Variants in ZFAT observed in about 807,000 individuals in gnomAD.
The protein encoded by ZFAT is zinc finger protein ZFAT.
In ZFAT, 64 loss-of-function variants were observed where a neutral mutation model predicts 117.7. That is an observed-to-expected ratio of 0.54 (90% confidence interval 0.44 to 0.67). The LOEUF (loss-of-function observed/expected upper bound fraction) is 0.67, where lower values mean the gene tolerates loss of function less well. ZFAT is among the 30% of genes least tolerant of loss of function. The pLI is 0.00. For missense variants in ZFAT, 1,433 were observed against 1,584.5 expected (o/e 0.90, Z 1.62); for synonymous variants, 679 against 615.0 (o/e 1.10, Z -1.54).
At chr8:134,605,256 A>G (rs1386757297) in intron 5 of ZFAT, among the ~76,000 whole-genome samples, 1 of 152,188 alleles carries the variant, frequency 6.6e-6, no homozygotes, top group Non-Finnish European at 1.5e-5. Context: ...TGCTTTTACA[A>G]AGGAATCCGG....
chr8:134,548,776 G>C (rs1822899738), intron 11 of ZFAT, among the ~76,000 whole-genome samples: 2 of 152,164 alleles, frequency 1.3e-5, no homozygotes, highest in South Asian at 4.1e-4. Flanking sequence ...GCACACCATG[G>C]AAAACATTGA....
intron 3 of ZFAT, among the ~76,000 whole-genome samples, chr8:134,632,039 T>G (rs1400109483): frequency 6.6e-6 from 1 of 152,232 alleles, no homozygotes; most frequent in Admixed American, 6.5e-5. Flanking sequence ...TCCCTAGATT[T>G]ATTGGTCAAA....
At chr8:134,567,072 A>C (rs1328934000) in intron 10 of ZFAT, among the ~76,000 whole-genome samples, 1 of 152,208 alleles carries the variant, frequency 6.6e-6, no homozygotes, top group African/African-American at 2.4e-5. Flanking sequence ...TGCCAAAATC[A>C]GCATCTTCTA....
the ZFAT span, chr8:134,800,387 C>T: frequency 2.6e-6 from 1 of 391,790 alleles, no homozygotes; most frequent in Non-Finnish European, 5.0e-6. Flanking sequence ...AGACAATTAA[C>T]ACACTTTTTC....
At chr8:134,486,991 T>C (rs948629514) in intron 15 of ZFAT, among the ~76,000 whole-genome samples, 2 of 152,208 alleles carry the variant, frequency 1.3e-5, no homozygotes, top group Admixed American at 6.5e-5. Flanking sequence ...TGTGTGTATA[T>C]GTACATATGC....
chr8:134,722,164 C>T, the ZFAT span, among the ~76,000 whole-genome samples: 1 of 152,154 alleles, frequency 6.6e-6, no homozygotes, highest in Admixed American at 6.5e-5. Context: ...AAAAAAAGCT[C>T]TGGAGCAATG....
chr8:134,478,689 C>A lies in ZFAT; in HGVS notation c.3525G>T (p.Thr1175=). Residue 1175 remains threonine (T), a synonymous_variant, in exon 16 of 16, where the codon ACG becomes ACT. Coordinates refer to ENST00000377838, the MANE Select transcript of ZFAT (RefSeq NM_020863.4). The surrounding 1 kb of genome is among the most constrained non-coding windows in gnomAD (Gnocchi z 5.2). ...VTEEEPSSNH[T]VMIQETVQQA... is the part of the protein sequence containing the mutation. ...GCTGGACCGTCTCCTGGATCATGAC[C>A]GTGTGGTTGGAGCTGGGCTCCTCCT... 1 of 1,577,766 alleles carries A rather than the reference C, an allele frequency of 6.3e-7. No individual in the cohort carries two copies. The highest frequency in any genetic ancestry group is 1.2e-5 in the South Asian group (1 of 85,726).
At chr8:134,490,772 T>C (rs1190337382) in intron 15 of ZFAT, among the ~76,000 whole-genome samples, 3 of 152,168 alleles carry the variant, frequency 2.0e-5, no homozygotes, top group Admixed American at 6.5e-5. Context: ...CCTAAGTCCA[T>C]AAAGCAGGAA....
the ZFAT span, among the ~76,000 whole-genome samples, chr8:134,746,104 T>C: frequency 6.6e-6 from 1 of 152,198 alleles, no homozygotes; most frequent in African/African-American, 2.4e-5. Flanking sequence ...ATTATATTGA[T>C]TTCCTCTCAA....
At chr8:134,616,047 GAGA>G (rs1240633271) in intron 3 of ZFAT, among the ~76,000 whole-genome samples, 9 of 152,178 alleles carry the variant, frequency 5.9e-5, no homozygotes, top group Non-Finnish European at 1.2e-4. Flanking sequence ...GGTGAGGCAG[GAGA>G]AGAACTGGCA....
intron 1 of ZFAT, among the ~76,000 whole-genome samples, chr8:134,702,709 T>A (rs1834047332): frequency 1.3e-5 from 2 of 151,662 alleles, no homozygotes; most frequent in African/African-American, 4.8e-5. Flanking sequence ...TCTCACGCTG[T>A]CGCCCAGGCT....
At chr8:134,708,106 T>C (rs1393090754) in intron 1 of ZFAT, among the ~76,000 whole-genome samples, 1 of 152,248 alleles carries the variant, frequency 6.6e-6, no homozygotes, top group Non-Finnish European at 1.5e-5. Context: ...AAACACTGCA[T>C]GTTTTCTCTT....
chr8:134,821,627 AAG>A, the ZFAT span, among the ~76,000 whole-genome samples: 2 of 152,010 alleles, frequency 1.3e-5, no homozygotes, highest in Admixed American at 6.6e-5. Context: ...TCAAATACTT[AAG>A]AGTTATTGTG....
At chr8:134,578,213 G>A (rs910587482) in intron 10 of ZFAT, among the ~76,000 whole-genome samples, 9 of 152,052 alleles carry the variant, frequency 5.9e-5, no homozygotes, top group Admixed American at 5.2e-4. Context: ...AGCAGTTCGA[G>A]ACCAGACTGC....
chr8:134,597,622 C>T (rs182191339), intron 7 of ZFAT: 2 of 152,240 alleles, frequency 1.3e-5, no homozygotes, highest in African/African-American at 4.8e-5. Flanking sequence ...TATTGTTTAG[C>T]TCCCCCTTCA....
the ZFAT span, among the ~76,000 whole-genome samples, chr8:134,735,303 T>C: frequency 9.2e-5 from 14 of 152,186 alleles, no homozygotes; most frequent in Admixed American, 9.2e-4. Context: ...TTGACACTGG[T>C]GCCATGGCCA....
chr8:134,682,655 A>AAAAAT (rs1349060172), intron 1 of ZFAT, among the ~76,000 whole-genome samples: 4 of 152,248 alleles, frequency 2.6e-5, no homozygotes, highest in East Asian at 3.9e-4. Context: ...ACTCCATCTC[A>AAAAAT]AAAATAAAAT....
chr8:134,683,438 A>C (rs759992509), intron 1 of ZFAT, among the ~76,000 whole-genome samples: 40 of 152,250 alleles, frequency 2.6e-4, no homozygotes, highest in Non-Finnish European at 4.9e-4. Context: ...CACAGGCCAC[A>C]GAAGCACGTG....
chr8:134,738,814 A>C, the ZFAT span, among the ~76,000 whole-genome samples: 2 of 152,204 alleles, frequency 1.3e-5, no homozygotes, highest in Admixed American at 1.3e-4. Flanking sequence ...GGGAGAGCCA[A>C]GCATGGTTAA....
Sources: allele counts gnomAD v4.1 joint callset (sites outside exome capture counted in the v4.1 genomes callset), GRCh38; gene constraint gnomAD v4.1.1; non-coding constraint Gnocchi (gnomAD v3.1); transcripts MANE v1.5; gene names NCBI Gene and HGNC (gene_info 2026-07-23, HGNC 2026-07-21).